PRDM11: variants seen among roughly 807,000 people sequenced by gnomAD.
The protein encoded by PRDM11 is PR/SET domain 11.
A neutral mutation model predicts 97.8 loss-of-function variants in PRDM11; 20 were observed. The ratio of observed to expected loss-of-function variants is 0.20; its 90% CI spans 0.14 to 0.30. The LOEUF is 0.30. Ranked by LOEUF, PRDM11 falls within the 10% of genes least tolerant of loss-of-function variation. The pLI is 1.00. For synonymous variants in PRDM11, 599 were observed against 637.7 expected, an observed-to-expected ratio of 0.94 and a Z score of 0.91; for missense variants, 1,139 against 1,555.2, an observed-to-expected ratio of 0.73 and a Z score of 4.50.
chr11:45,204,596 G>C (rs1223410384), intron 4 of PRDM11, 115 bp from the exon 5 acceptor site: 1 of 921,982 alleles, frequency 1.1e-6, no homozygotes, highest in Admixed American at 1.9e-5. Flanking sequence ...TGACATTTCA[G>C]GGGGAGGGGG....
rs1854036563 is a variant in PRDM11 at position 45,219,076 on chromosome 11, A to G, written c.555-494A>G. On this transcript the variant is annotated intron_variant, in intron 5 of 7. Transcript: ENST00000683152. This position sits in a 1 kb window ranked among gnomAD's most constrained non-coding sequence, Gnocchi z 4.2. The stretch of plus-strand genomic sequence containing the variant: ...TAAAAGATTTTGATCTTTAGCATTT[A>G]TTAATTGATCTCTTGGACACCTTGT... Among the ~76,000 whole-genome samples the G allele has an allele frequency of 6.6e-6, 1 of 152,138 alleles. No homozygotes were observed. Among genetic ancestry groups the G allele is most frequent in the Non-Finnish European group, 1.5e-5 (1 of 68,032 alleles).
At chr11:45,122,513 CTG>C (rs1852460043) in intron 1 of PRDM11, among the ~76,000 whole-genome samples, 1 of 146,514 alleles carries the variant, frequency 6.8e-6, no homozygotes, top group Non-Finnish European at 1.5e-5. Flanking sequence ...ACAACAGTCC[CTG>C]GAGTGTGATG....
Position 45,227,023 on chromosome 11 carries a change from C to T in PRDM11, c.2398C>T (p.Arg800Cys), listed in dbSNP as rs919888414. The T allele has an allele frequency of 2.2e-5, 34 of 1,533,950 alleles. No homozygotes were observed. The highest frequency in any genetic ancestry group is 2.4e-5 in the South Asian group (2 of 83,968). ...GCTGAGCTTCTACCGCTACTCACCG[C>T]GCCTCATGTGCGAGCTGCGGTCCAC... ...QLLSFYRYSP[R>C]LMCELRSTAA... Residue 800 changes from arginine (R) to cysteine (C), a missense_variant, in exon 8 of 8, where the codon CGC (arginine) becomes TGC (cysteine). This residue lies in a region of PRDM11 where 710 missense variants were observed against 1,044.9 expected (regional missense o/e 0.68). Coordinates refer to ENST00000683152, the MANE Select transcript of PRDM11 (RefSeq NM_001384648.1). This position sits in a 1 kb window ranked among gnomAD's most constrained non-coding sequence, Gnocchi z 8.0.
chr11:45,185,953 G>A (rs952754427), intron 4 of PRDM11, among the ~76,000 whole-genome samples: 5 of 151,934 alleles, frequency 3.3e-5, no homozygotes, highest in African/African-American at 1.2e-4. Flanking sequence ...GAAAGGGATT[G>A]GAGGATGCTG....
At chr11:45,147,398 A>G (rs1044893579) in intron 1 of PRDM11, 1 of 152,080 alleles carries the variant, frequency 6.6e-6, no homozygotes, top group Non-Finnish European at 1.5e-5. Flanking sequence ...GTGCTCGGGG[A>G]TGAAGGTGGG....
At chr11:45,213,738 G>A (rs751216789) in intron 5 of PRDM11, 7 of 456,460 alleles carry the variant, frequency 1.5e-5, no homozygotes, top group South Asian at 9.3e-5. Context: ...GCCAAGTCAG[G>A]TATTATTATG....
intron 4 of PRDM11, among the ~76,000 whole-genome samples, chr11:45,184,615 C>T (rs1852636861): frequency 6.6e-6 from 1 of 152,120 alleles, no homozygotes; most frequent in African/African-American, 2.4e-5. Flanking sequence ...CTGCAGTCTC[C>T]CAACAGGTTG....
chr11:45,214,547 T>C (rs1030543821), intron 5 of PRDM11: 42 of 152,260 alleles, frequency 2.8e-4, no homozygotes, highest in Middle Eastern at 3.4e-3. Flanking sequence ...TCCCTGTGCC[T>C]TTGGCTCCAT....
rs1484370897 is a variant in PRDM11, at chr11:45,200,709, C to T, written c.487-4002C>T. ...TAGTGTTATGATAAAATCCAGGGTT[C>T]TCTGAGATTCCAGGGGAGGGTCCCT... On this transcript the variant is annotated intron_variant, in intron 4 of 7. Transcript: ENST00000683152. Among the ~76,000 whole-genome samples the T allele has an allele frequency of 2.6e-5, 4 of 152,148 alleles. No homozygotes were observed. In the East Asian group the frequency reaches 7.7e-4, roughly 29 times the overall value.
chr11:45,200,414 CTGAG>C (rs1853286428), intron 4 of PRDM11, among the ~76,000 whole-genome samples: 1 of 152,236 alleles, frequency 6.6e-6, no homozygotes, highest in Non-Finnish European at 1.5e-5. Flanking sequence ...TGACTGTTCA[CTGAG>C]TGTCTTCCAC....
At chr11:45,209,589 A>G (rs1853642886) in intron 5 of PRDM11, among the ~76,000 whole-genome samples, 1 of 152,162 alleles carries the variant, frequency 6.6e-6, no homozygotes, top group Non-Finnish European at 1.5e-5. Context: ...CTAGGAATAA[A>G]CCAACGTTAA....
chr11:45,136,883 C>T (rs1238111418), intron 1 of PRDM11, among the ~76,000 whole-genome samples: 3 of 151,600 alleles, frequency 2.0e-5, no homozygotes, highest in Non-Finnish European at 4.4e-5. Context: ...AGGCTCCTGC[C>T]TGTAATCCCA....
intron 1 of PRDM11, among the ~76,000 whole-genome samples, chr11:45,163,500 C>T (rs1263462573): frequency 6.8e-6 from 1 of 147,944 alleles, no homozygotes; most frequent in Non-Finnish European, 1.5e-5. Flanking sequence ...GGGGGGGGTA[C>T]CCGGTGGTCC....
upstream of PRDM11, among the ~76,000 whole-genome samples, chr11:45,142,236 A>T (rs559017398): frequency 1.1e-4 from 17 of 152,300 alleles, no homozygotes; most frequent in Middle Eastern, 0.01. Context: ...AAACCCTGGC[A>T]GAGATCCCAC....
chr11:45,094,626 A>G (rs1851859359), upstream of PRDM11, among the ~76,000 whole-genome samples: 3 of 135,598 alleles, frequency 2.2e-5, no homozygotes, highest in East Asian at 2.3e-4. Flanking sequence ...TGAAGGGAGG[A>G]AGTAGAGGGA....
chr11:45,177,382 G>A (rs1418922217), intron 1 of PRDM11, among the ~76,000 whole-genome samples: 1 of 152,218 alleles, frequency 6.6e-6, no homozygotes, highest in African/African-American at 2.4e-5. Context: ...GACTTTTGCT[G>A]GGCAGGTAGG....
intron 4 of PRDM11, among the ~76,000 whole-genome samples, chr11:45,196,287 G>T (rs1648360843): frequency 6.6e-6 from 1 of 152,122 alleles, no homozygotes; most frequent in South Asian, 2.1e-4. Flanking sequence ...CATTTCAGTG[G>T]TTATTTGGGG....
intron 1 of PRDM11, among the ~76,000 whole-genome samples, chr11:45,113,550 C>T (rs113101678): frequency 0.025 from 3,826 of 152,116 alleles, 169 homozygotes; most frequent in African/African-American, 0.088. Context: ...GTATGGTCAT[C>T]TTCACAATAT....
chr11:45,227,228 T>C lies in PRDM11; in HGVS notation c.2603T>C (p.Leu868Pro). ...GACGCCTCGGCCATCGCACTGGCCC[T>C]GCTGCAGTTCCTCATGGACTACCAG... The part of the protein sequence containing the change: ...RADASAIALA[L>P]LQFLMDYQSI... The change falls in exon 8 of 8, where the codon CTG becomes CCG. Residue 868 changes from leucine (L) to proline (P), a missense_variant. Transcript: ENST00000683152. This position sits in a 1 kb window ranked among gnomAD's most constrained non-coding sequence, Gnocchi z 8.0. The C allele has an allele frequency of 6.5e-7, 1 of 1,533,982 alleles. No homozygotes were observed. The highest frequency in any genetic ancestry group is 8.7e-7 in the Non-Finnish European group (1 of 1,146,730).
Sources: allele counts gnomAD v4.1 joint callset (sites outside exome capture counted in the v4.1 genomes callset), GRCh38; gene constraint gnomAD v4.1.1; regional missense constraint gnomAD v4.1.1; non-coding constraint Gnocchi (gnomAD v3.1); transcripts MANE v1.5; gene names NCBI Gene and HGNC (gene_info 2026-07-23, HGNC 2026-07-21).